TSPAN12: variants seen among roughly 807,000 people sequenced by gnomAD.
TSPAN12 encodes the protein tetraspanin 12, also known as tetraspanin-12.
TSPAN12 carries 19 observed loss-of-function variants against 39.2 expected under a neutral mutation model. The ratio of observed to expected loss-of-function variants is 0.49; its 90% CI spans 0.34 to 0.71. The LOEUF (loss-of-function observed/expected upper bound fraction) is 0.71. Among genes scored for constraint, TSPAN12 ranks in the 30% least tolerant of loss-of-function variants. The probability of loss-of-function intolerance (pLI) is 0.01; values close to 1 mark genes in which losing one functional copy is unlikely to be tolerated. For missense variants in TSPAN12, 314 were observed against 359.9 expected, an observed-to-expected ratio of 0.87 and a Z score of 1.03; for synonymous variants, 119 against 124.8, an observed-to-expected ratio of 0.95 and a Z score of 0.31.
In TSPAN12 at chr7:120,853,493, T is replaced by TATACAC. The variant is rs10639551; in HGVS notation, c.66+3204_66+3205insGTGTAT. On this transcript the variant is annotated intron_variant, in intron 2 of 7. Transcript: ENST00000222747. Reference sequence around the variant, plus strand: ...GCAGATATATATATATATATATATATACACACACATATTTATATTTAGACA... The same window carrying TATACAC: ...GCAGATATATATATATATATATATATATACACACACACACATATTTATATTTAGACA... 3.2e-3 allele frequency among the ~76,000 whole-genome samples: 473 copies of TATACAC among 145,908 alleles called. 5 individuals carry two copies. Among genetic ancestry groups the TATACAC allele is most frequent in the Admixed American group, 0.025 (371 of 14,596 alleles).
At chr7:120,835,476 C>T (rs1351147698) in intron 4 of TSPAN12, among the ~76,000 whole-genome samples, 1 of 152,162 alleles carries the variant, frequency 6.6e-6, no homozygotes, top group Non-Finnish European at 1.5e-5. Flanking sequence ...AAAATTGTTA[C>T]AAATATTGGA....
At chr7:120,854,652 T>A (rs1368084805) in intron 2 of TSPAN12, among the ~76,000 whole-genome samples, 1 of 152,202 alleles carries the variant, frequency 6.6e-6, no homozygotes, top group Non-Finnish European at 1.5e-5. Flanking sequence ...CTTTTTTACA[T>A]AGCAATTCCA....
chr7:120,854,468 T>C (rs2116513401), intron 2 of TSPAN12, among the ~76,000 whole-genome samples: 1 of 152,328 alleles, frequency 6.6e-6, no homozygotes, highest in East Asian at 1.9e-4. Context: ...GCGCTGTATA[T>C]ATGTTAACTC....
At chr7:120,800,542 A>G (rs773691062) in intron 7 of TSPAN12, among the ~76,000 whole-genome samples, 2 of 151,956 alleles carry the variant, frequency 1.3e-5, no homozygotes, top group African/African-American at 2.4e-5. Flanking sequence ...GTAAGGTTTG[A>G]TAGAATCCCA....
At chr7:120,857,627 G>A (rs541484346) in intron 1 of TSPAN12, among the ~76,000 whole-genome samples, 193 bp downstream of exon 1, 165 of 152,196 alleles carry the variant, frequency 1.1e-3, no homozygotes, top group African/African-American at 3.9e-3. Context: ...AGCCGCCCGC[G>A]GAGCACAAAG....
chr7:120,856,845 G>T lies in TSPAN12; in HGVS notation c.-70-12C>A. 1.4e-6 allele frequency: 2 copies of T among 1,448,644 alleles called. No individual in the cohort carries two copies. Among genetic ancestry groups the T allele is most frequent in the East Asian group, 2.3e-5 (1 of 43,768 alleles). 89.7% of individuals were successfully genotyped at this position (1,448,644 alleles called of 1,614,324 possible). A position where few individuals can be genotyped will look rare whatever the true frequency, so the allele number is the denominator to read the frequency against. ...AAAACGGCAGCGATCTGCAGGGGGC[G>T]GGGGAGAGAGAACACGGGACATCTC... On this transcript the variant is annotated splice_polypyrimidine_tract_variant and intron_variant, in intron 1 of 7. Coordinates refer to ENST00000222747, the MANE Select transcript of TSPAN12 (RefSeq NM_012338.4).
chr7:120,847,542 G>A (rs903566324), intron 2 of TSPAN12, among the ~76,000 whole-genome samples: 3 of 152,080 alleles, frequency 2.0e-5, no homozygotes, highest in African/African-American at 7.2e-5. Context: ...CCTGTAAATG[G>A]TATAATCAAT....
intron 3 of TSPAN12, among the ~76,000 whole-genome samples, chr7:120,839,213 C>T (rs1018452671): frequency 3.9e-5 from 6 of 152,060 alleles, no homozygotes; most frequent in Admixed American, 1.3e-4. Context: ...TTATTATCTC[C>T]GAAGCCTTAG....
At chr7:120,798,945 C>A (rs1317444009) in intron 7 of TSPAN12, among the ~76,000 whole-genome samples, 1 of 152,156 alleles carries the variant, frequency 6.6e-6, no homozygotes, top group African/African-American at 2.4e-5. Context: ...ATCATAAAGA[C>A]AATAGCAATT....
At chr7:120,837,679 GA>G (rs1436687920) in intron 4 of TSPAN12, among the ~76,000 whole-genome samples, 3 of 152,162 alleles carry the variant, frequency 2.0e-5, no homozygotes, top group Admixed American at 2.0e-4. Flanking sequence ...TACCCTCCAA[GA>G]AGCTAAGTAA....
intron 7 of TSPAN12, among the ~76,000 whole-genome samples, chr7:120,789,961 TG>T (rs900243595): frequency 5.3e-5 from 8 of 151,818 alleles, no homozygotes; most frequent in Admixed American, 4.6e-4. Context: ...AAGATTAGGG[TG>T]GGGGGTGGCC....
At chr7:120,848,493 A>C (rs1450247446) in intron 2 of TSPAN12, among the ~76,000 whole-genome samples, 7 of 152,056 alleles carry the variant, frequency 4.6e-5, no homozygotes, top group African/African-American at 1.7e-4. Flanking sequence ...ATAAGAACCG[A>C]GCTTTCTATC....
intron 7 of TSPAN12, among the ~76,000 whole-genome samples, chr7:120,801,290 A>G (rs891775442): frequency 6.6e-6 from 1 of 152,130 alleles, no homozygotes; most frequent in Admixed American, 6.5e-5. Flanking sequence ...CTTCAAAATC[A>G]CACCCCCTGT....
chr7:120,797,144 C>T (rs41625), intron 7 of TSPAN12, among the ~76,000 whole-genome samples: 2 of 152,126 alleles, frequency 1.3e-5, no homozygotes, highest in Non-Finnish European at 2.9e-5. Flanking sequence ...GCGACAGAGC[C>T]AGATTTCATC....
At chr7:120,802,302 A>G (rs1793789479) in intron 7 of TSPAN12, among the ~76,000 whole-genome samples, 1 of 152,122 alleles carries the variant, frequency 6.6e-6, no homozygotes, top group African/African-American at 2.4e-5. Flanking sequence ...GGGCCTTTAT[A>G]CTTGCAGTTT....
intron 2 of TSPAN12, among the ~76,000 whole-genome samples, chr7:120,843,768 A>G (rs1794620999): frequency 6.6e-6 from 1 of 152,212 alleles, no homozygotes. Flanking sequence ...TGACAGCAGA[A>G]CATATTAAAA....
chr7:120,828,773 A>G (rs1308990028), intron 4 of TSPAN12, among the ~76,000 whole-genome samples: 1 of 150,842 alleles, frequency 6.6e-6, no homozygotes, highest in East Asian at 1.9e-4. Flanking sequence ...AGAAGTTCTC[A>G]GTCTGTGCTT....
At chr7:120,852,480 C>G (rs901806195) in intron 2 of TSPAN12, among the ~76,000 whole-genome samples, 1 of 152,176 alleles carries the variant, frequency 6.6e-6, no homozygotes, top group African/African-American at 2.4e-5. Context: ...AGTATTAAAG[C>G]CTTGCTCCTC....
chr7:120,850,983 T>C (rs1337167199), intron 2 of TSPAN12, among the ~76,000 whole-genome samples: 4 of 152,164 alleles, frequency 2.6e-5, no homozygotes, highest in Non-Finnish European at 5.9e-5. Context: ...AGACACCGCG[T>C]CCGGCTGACT....
Sources: allele counts gnomAD v4.1 joint callset (sites outside exome capture counted in the v4.1 genomes callset), GRCh38; gene constraint gnomAD v4.1.1; transcripts MANE v1.5; gene names NCBI Gene and HGNC (gene_info 2026-07-23, HGNC 2026-07-21).